Variants in CMSS1 observed in about 807,000 individuals in gnomAD.
CMSS1 encodes protein CMSS1.
Under a neutral mutation model 43.5 loss-of-function variants are expected in CMSS1, and 33 were observed. That is an observed-to-expected ratio of 0.76 (90% confidence interval 0.57 to 1.01). The LOEUF (loss-of-function observed/expected upper bound fraction) is 1.01, where lower values mean the gene tolerates loss of function less well. Ranked by LOEUF, CMSS1 falls within the 50% of genes least tolerant of loss-of-function variation. CMSS1 has a pLI of 0.00. For missense variants in CMSS1, 313 were observed against 326.4 expected (o/e 0.96, Z 0.32); for synonymous variants, 115 against 117.2 (o/e 0.98, Z 0.12).
chr3:100,042,932 T>C (rs2065228332), intron 1 of CMSS1, among the ~76,000 whole-genome samples: 1 of 152,224 alleles, frequency 6.6e-6, no homozygotes, highest in Non-Finnish European at 1.5e-5. Context: ...ACATTCATCA[T>C]GGAAAAATGT....
chr3:100,028,052 T>C (rs935899751), intron 1 of CMSS1, among the ~76,000 whole-genome samples: 22 of 152,220 alleles, frequency 1.4e-4, no homozygotes, highest in African/African-American at 5.3e-4. Flanking sequence ...AATTTTACTC[T>C]GGCTATTCTG....
chr3:100,178,393 G>A lies in CMSS1; in HGVS notation c.*5G>A. ...TTGAAACTGGGCCTTTTCTAAGTCTGTGTCCTAATGAAGATTCCAGTTTTC... is the reference window on the plus strand; with the variant it reads ...TTGAAACTGGGCCTTTTCTAAGTCTATGTCCTAATGAAGATTCCAGTTTTC... On this transcript the variant is annotated 3_prime_UTR_variant, in exon 10 of 10. Transcript: ENST00000421999. 1 of 1,589,726 alleles carries A rather than the reference G, an allele frequency of 6.3e-7. No individual in the cohort carries two copies. The highest frequency in any genetic ancestry group is 8.6e-7 in the Non-Finnish European group (1 of 1,158,920).
At chr3:99,939,496 G>C (rs1358536996) in intron 1 of CMSS1, among the ~76,000 whole-genome samples, 1 of 152,172 alleles carries the variant, frequency 6.6e-6, no homozygotes, top group Non-Finnish European at 1.5e-5. Context: ...AACACATTTT[G>C]ATTGTGCCCC....
intron 1 of CMSS1, among the ~76,000 whole-genome samples, chr3:100,076,213 C>T (rs1392812243): frequency 6.6e-6 from 1 of 152,152 alleles, no homozygotes; most frequent in Non-Finnish European, 1.5e-5. Flanking sequence ...TTTGTCACTG[C>T]TCAGTGGAGG....
At chr3:99,953,279 T>C (rs891874058) in intron 1 of CMSS1, among the ~76,000 whole-genome samples, 1 of 152,222 alleles carries the variant, frequency 6.6e-6, no homozygotes, top group Non-Finnish European at 1.5e-5. Context: ...TCTGACCTGC[T>C]TCTACCTTCT....
intron 1 of CMSS1, among the ~76,000 whole-genome samples, chr3:100,074,675 A>ATTTTTTTTT (rs555819875): frequency 0.02 from 698 of 34,796 alleles, 283 homozygotes; most frequent in East Asian, 0.028. Context: ...GCAACATTTG[A>ATTTTTTTTT]TTTTTTTTTT....
intron 1 of CMSS1, among the ~76,000 whole-genome samples, chr3:100,056,135 G>C (rs1022890035): frequency 6.6e-6 from 1 of 152,220 alleles, no homozygotes; most frequent in Non-Finnish European, 1.5e-5. Flanking sequence ...AAGGCAGGGA[G>C]TAGAGAAGAA....
At chr3:99,984,554 C>G (rs893252974) in intron 1 of CMSS1, among the ~76,000 whole-genome samples, 4 of 152,176 alleles carry the variant, frequency 2.6e-5, no homozygotes, top group Admixed American at 1.3e-4. Flanking sequence ...GAAACTCATT[C>G]TGCACACTGC....
In CMSS1 at chr3:100,178,739, A is replaced by G. The variant is rs2067167736; in HGVS notation, c.*351A>G. 3 of 187,542 alleles carry G rather than the reference A, an allele frequency of 1.6e-5. No individual in the cohort carries two copies. Among genetic ancestry groups the G allele is most frequent in the East Asian group, 1.4e-4 (1 of 7,320 alleles). 11.6% of individuals were successfully genotyped at this position (187,542 alleles called of 1,614,324 possible). On this transcript the variant is annotated 3_prime_UTR_variant, in exon 10 of 10. Transcript: ENST00000421999. ...CTCTGAGCCCCATCTTATCAACTCA[A>G]AGTGGGAATGTCTCACAGCATTGTT...
chr3:99,829,252 C>G (rs1942599300), intron 1 of CMSS1, among the ~76,000 whole-genome samples: 1 of 152,024 alleles, frequency 6.6e-6, no homozygotes, highest in Admixed American at 6.6e-5. Flanking sequence ...TCGATTGAAG[C>G]TTTTTGAAAT....
At chr3:99,850,442 C>G in intron 1 of CMSS1, 1 of 1,614,042 alleles carries the variant, frequency 6.2e-7, no homozygotes. Flanking sequence ...AGTTTAAAGT[C>G]TTTACTCTGT....
chr3:99,979,317 A>T (rs1435296780), intron 1 of CMSS1, among the ~76,000 whole-genome samples: 4 of 152,150 alleles, frequency 2.6e-5, no homozygotes, highest in African/African-American at 9.7e-5. Context: ...TTCTTTTGGG[A>T]AACACTAAAA....
intron 1 of CMSS1, chr3:99,925,738 A>G (rs1277605716): frequency 1.9e-5 from 7 of 375,460 alleles, no homozygotes; most frequent in Non-Finnish European, 2.6e-5. Context: ...CTTGGCAGAT[A>G]TCCCAAGTGC....
At chr3:100,092,886 G>A (rs2066137515) in intron 1 of CMSS1, among the ~76,000 whole-genome samples, 2 of 151,290 alleles carry the variant, frequency 1.3e-5, no homozygotes, top group South Asian at 2.1e-4. Context: ...AGTTAACAGC[G>A]GGGACTTTCT....
chr3:100,033,627 T>C (rs926624651), intron 1 of CMSS1, among the ~76,000 whole-genome samples: 5 of 152,168 alleles, frequency 3.3e-5, no homozygotes, highest in African/African-American at 1.2e-4. Flanking sequence ...AAGCAGATAT[T>C]AGGACGGGAG....
intron 1 of CMSS1, among the ~76,000 whole-genome samples, chr3:99,960,307 T>A (rs1211512326): frequency 6.6e-6 from 1 of 152,140 alleles, no homozygotes; most frequent in Non-Finnish European, 1.5e-5. Flanking sequence ...AGGATCCCCA[T>A]TTTACAGATG....
intron 1 of CMSS1, among the ~76,000 whole-genome samples, chr3:100,030,651 C>G (rs1383672907): frequency 6.6e-6 from 1 of 152,078 alleles, no homozygotes; most frequent in Non-Finnish European, 1.5e-5. Context: ...AATCATTGTC[C>G]CCACAACTAA....
intron 1 of CMSS1, among the ~76,000 whole-genome samples, chr3:99,985,850 A>G (rs984314087): frequency 2.6e-5 from 4 of 152,092 alleles, no homozygotes; most frequent in Admixed American, 2.0e-4. Context: ...CGGCCTCCCA[A>G]AGTACTGGGA....
chr3:100,074,882 C>T (rs554169657), intron 1 of CMSS1, among the ~76,000 whole-genome samples: 1 of 151,404 alleles, frequency 6.6e-6, no homozygotes, highest in African/African-American at 2.4e-5. Flanking sequence ...TTAATAGAGA[C>T]AGGGTTTCGC....
Sources: allele counts gnomAD v4.1 joint callset (sites outside exome capture counted in the v4.1 genomes callset), GRCh38; gene constraint gnomAD v4.1.1; transcripts MANE v1.5; gene names NCBI Gene and HGNC (gene_info 2026-07-23, HGNC 2026-07-21).